CRIPTO3: variants seen among roughly 807,000 people sequenced by gnomAD.
CRIPTO3 encodes the protein protein CRIPTO3.
the CRIPTO3 span, chrX:110,521,640 C>T: frequency 1.7e-6 from 2 of 1,211,633 alleles, no homozygotes; most frequent in Non-Finnish European, 2.2e-6. Flanking sequence ...ACCGTCTGCA[C>T]GTACTACCAC....
At chrX:110,521,890 T>G in the CRIPTO3 span, 1 of 448,743 alleles carries the variant, frequency 2.2e-6, no homozygotes, top group Non-Finnish European at 3.9e-6. Context: ...TGCCCTGCCC[T>G]CTCCCAAAAA....
At chrX:110,522,131 G>A in the CRIPTO3 span, 1 of 296,170 alleles carries the variant, frequency 3.4e-6, no homozygotes, top group Non-Finnish European at 5.8e-6. Flanking sequence ...AATTTTTTTT[G>A]TATTTTTAGT....
the CRIPTO3 span, chrX:110,521,360 G>C: frequency 8.3e-7 from 1 of 1,211,577 alleles, no homozygotes; most frequent in South Asian, 1.8e-5. Flanking sequence ...ACAGTAAGGA[G>C]CTAAACAGAA....
At chrX:110,521,789 A>T in the CRIPTO3 span, 10 of 751,924 alleles carry the variant, frequency 1.3e-5, no homozygotes, top group Non-Finnish European at 2.1e-5. Context: ...TAACTGAAAG[A>T]TGATCATTTG....
the CRIPTO3 span, chrX:110,521,955 G>A: frequency 2.3e-6 from 1 of 431,605 alleles, no homozygotes; most frequent in African/African-American, 2.5e-5. Flanking sequence ...CCCAAGTCCA[G>A]TGTTTCTTTT....
the CRIPTO3 span, chrX:110,521,706 A>T: frequency 2.6e-6 from 3 of 1,159,873 alleles, no homozygotes; most frequent in African/African-American, 1.8e-5. Context: ...ATCGACATTG[A>T]CCTATTTCCA....
At chrX:110,521,543 C>T in the CRIPTO3 span, 1 of 1,210,251 alleles carries the variant, frequency 8.3e-7, no homozygotes, top group Admixed American at 2.2e-5. Flanking sequence ...ACGGTCAGCT[C>T]CGCTGCTTTC....
chrX:110,521,523 A>G, the CRIPTO3 span: 4 of 1,211,563 alleles, frequency 3.3e-6, no homozygotes. Context: ...TTCCCTGTGT[A>G]AATGCTGGCA....
chrX:110,521,273 T>C, the CRIPTO3 span: 3 of 1,189,786 alleles, frequency 2.5e-6, no homozygotes, highest in East Asian at 8.9e-5. Flanking sequence ...CCTTCAGAGA[T>C]GACAGCATTT....
the CRIPTO3 span, chrX:110,521,588 G>A: frequency 8.2e-7 from 1 of 1,212,143 alleles, no homozygotes; most frequent in Non-Finnish European, 1.1e-6. Context: ...ATGGCCTTGT[G>A]ATGGATGAGC....
the CRIPTO3 span, chrX:110,522,660 T>C: frequency 1.8e-5 from 2 of 111,389 alleles, no homozygotes; most frequent in Non-Finnish European, 3.8e-5. Flanking sequence ...CCCCTTTTTT[T>C]CCCAAAGGCA....
the CRIPTO3 span, chrX:110,521,580 G>A: frequency 8.3e-7 from 1 of 1,212,047 alleles, no homozygotes; most frequent in Non-Finnish European, 1.1e-6. Flanking sequence ...CGGCTGTGAT[G>A]GCCTTGTGAT....
chrX:110,522,873 G>A, the CRIPTO3 span: 527 of 103,253 alleles, frequency 5.1e-3, 5 homozygotes, highest in African/African-American at 0.018. Context: ...TTGTATATAC[G>A]TGTATGCACA....
At chrX:110,522,082 A>G in the CRIPTO3 span, 1 of 353,773 alleles carries the variant, frequency 2.8e-6, no homozygotes. Flanking sequence ...CAGCCTCCCA[A>G]GTAGCTGGGA....
At chrX:110,521,768 C>T in the CRIPTO3 span, 3 of 816,924 alleles carry the variant, frequency 3.7e-6, no homozygotes. Context: ...AAGGCTGCTG[C>T]TACAATGTCC....
the CRIPTO3 span, chrX:110,522,019 G>A: frequency 2.5e-5 from 10 of 400,877 alleles, no homozygotes; most frequent in East Asian, 3.2e-4. Context: ...GCAATGACGC[G>A]ATCTCGGTTC....
the CRIPTO3 span, chrX:110,521,412 T>A: frequency 3.3e-6 from 4 of 1,211,353 alleles, no homozygotes; most frequent in Non-Finnish European, 4.5e-6. Flanking sequence ...GGAGTCCTTT[T>A]GTGCCTGCCC....
At chrX:110,521,098 A>G in the CRIPTO3 span, 24 of 1,127,709 alleles carry the variant, frequency 2.1e-5, no homozygotes, top group South Asian at 3.6e-4. Flanking sequence ...AAGCGATGCT[A>G]ACGCCTCTTT....
the CRIPTO3 span, chrX:110,521,487 C>CTAA: frequency 8.3e-7 from 1 of 1,209,032 alleles, no homozygotes; most frequent in African/African-American, 1.7e-5. Flanking sequence ...GTCTGTGCCC[C>CTAA]ATGACACCTG....
Sources: gnomAD v4.1 joint callset for allele counts on GRCh38, gnomAD v4.1.1 for gene constraint, MANE v1.5 for transcripts, NCBI Gene and HGNC (gene_info 2026-07-23, HGNC 2026-07-21) for gene names.